The following PATL1 variants were observed in gnomAD, a reference collection of about 807,000 sequenced individuals.
PATL1 encodes protein PAT1 homolog 1.
Under a neutral mutation model 100.6 loss-of-function variants are expected in PATL1, and 32 were observed. That is an observed-to-expected ratio of 0.32 (90% CI 0.24 to 0.43). The LOEUF (loss-of-function observed/expected upper bound fraction) is 0.43, where lower values mean the gene tolerates loss of function less well. Ranked by LOEUF, PATL1 falls within the 20% of genes least tolerant of loss-of-function variation. PATL1 has a pLI of 1.00. For missense variants in PATL1, 747 were observed against 949.9 expected (o/e 0.79, Z 2.81); for synonymous variants, 332 against 330.0 (o/e 1.01, Z -0.07).
At chr11:59,650,121 CAAAAGGA>C (rs1861420942) in intron 13 of PATL1, among the ~76,000 whole-genome samples, 1 of 77,198 alleles carries the variant, frequency 1.3e-5, no homozygotes. Flanking sequence ...AACTCCATCT[CAAAAGGA>C]AAAAAAAAAA....
rs186096253 is a variant in PATL1, at chr11:59,650,496, G to C, written c.1584+258C>G. ...AGGTGACTTGCCCAGACACTCAGCT[G>C]TTAACTGAATAAGCTTGGACAAAAA... On this transcript the variant is annotated intron_variant, in intron 13 of 18. Transcript: ENST00000300146. Among the ~76,000 whole-genome samples the C allele has an allele frequency of 2.0e-5, 3 of 152,334 alleles. No homozygotes were observed. In the East Asian group the frequency reaches 5.8e-4, roughly 29 times the overall value.
intron 2 of PATL1, among the ~76,000 whole-genome samples, chr11:59,663,566 G>C (rs924942849): frequency 6.6e-6 from 1 of 152,124 alleles, no homozygotes; most frequent in Non-Finnish European, 1.5e-5. Flanking sequence ...ATCTCACAAG[G>C]CTGCTATGAG....
In PATL1 at chr11:59,638,041, C is replaced by T. The variant is rs1861217626; in HGVS notation, c.*349G>A. ...TAGGATGAGGGAAGGAATCCTTTGGCAGGCTACAATCTACTCTGAGGTGGA... is the reference window on the plus strand; with the variant it reads ...TAGGATGAGGGAAGGAATCCTTTGGTAGGCTACAATCTACTCTGAGGTGGA... On this transcript the variant is annotated 3_prime_UTR_variant, in exon 19 of 19. Transcript: ENST00000300146. The T allele has an allele frequency of 3.6e-6, 1 of 277,792 alleles. No homozygotes were observed. The highest frequency in any genetic ancestry group is 6.9e-6 in the Non-Finnish European group (1 of 144,382). The allele number at this position is 277,792 out of a possible 1,614,324, so 17.2% of individuals were successfully genotyped here. A position where few individuals can be genotyped will look rare whatever the true frequency, so the allele number is the denominator to read the frequency against.
In PATL1 at chr11:59,637,272, T is replaced by C. The variant is rs1861206742; in HGVS notation, c.*1118A>G. 1 of 152,336 alleles carries C rather than the reference T, an allele frequency of 6.6e-6. No individual in the cohort carries two copies. The highest frequency in any genetic ancestry group is 1.5e-5 in the Non-Finnish European group (1 of 68,036). 9.4% of individuals were successfully genotyped at this position (152,336 alleles called of 1,614,324 possible). Reference sequence around the variant, plus strand: ...AGATCATGGCAGGCTGGCCCTGCAATTATTCAAACCCAGGCCCCTGGCTGC... The same window carrying C: ...AGATCATGGCAGGCTGGCCCTGCAACTATTCAAACCCAGGCCCCTGGCTGC... On this transcript the variant is annotated 3_prime_UTR_variant, in exon 19 of 19. Transcript: ENST00000300146.
intron 4 of PATL1, among the ~76,000 whole-genome samples, chr11:59,658,163 CAA>C (rs746089908): frequency 2.8e-4 from 30 of 107,828 alleles, no homozygotes; most frequent in Non-Finnish European, 2.4e-4. Flanking sequence ...GACCTGGTCT[CAA>C]AAAAAAAAAA....
Position 59,638,092 on chromosome 11 carries a change from T to C in PATL1, c.*298A>G. The stretch of plus-strand genomic sequence containing the variant: ...GTAGTGGAGGGATAAAGGGAGAGAT[T>C]ACACTTGTGTCTCTAGGGCAAAGAA... On this transcript the variant is annotated 3_prime_UTR_variant, in exon 19 of 19. Coordinates refer to ENST00000300146, the MANE Select transcript of PATL1 (RefSeq NM_152716.3). 2.3e-6 allele frequency: 1 copy of C among 432,036 alleles called. No individual in the cohort carries two copies. Among genetic ancestry groups the C allele is most frequent in the South Asian group, 3.0e-5 (1 of 33,442 alleles). The allele number at this position is 432,036 out of a possible 1,614,324, so 26.8% of individuals were successfully genotyped here. A position where few individuals can be genotyped will look rare whatever the true frequency, so the allele number is the denominator to read the frequency against.
rs556659458 is a variant in PATL1 at position 59,654,407 on chromosome 11, G to A, written c.1032-335C>T. Reference sequence around the variant, plus strand: ...CAGTGGAATCGCTTGAGCCTGGGAGGCAGAGGTTGCAGTGAGCCGAGATCG... The same window carrying A: ...CAGTGGAATCGCTTGAGCCTGGGAGACAGAGGTTGCAGTGAGCCGAGATCG... On this transcript the variant is annotated intron_variant, in intron 8 of 18. Coordinates refer to ENST00000300146, the MANE Select transcript of PATL1 (RefSeq NM_152716.3). Among the ~76,000 whole-genome samples the A allele has an allele frequency of 2.0e-5, 3 of 151,140 alleles. No homozygotes were observed. The South Asian group carries it at 6.3e-4, about 32-fold the overall frequency.
rs1249632585 is a variant in PATL1 at position 59,637,278 on chromosome 11, A to G, written c.*1112T>C. On this transcript the variant is annotated 3_prime_UTR_variant, in exon 19 of 19. Coordinates refer to ENST00000300146, the MANE Select transcript of PATL1 (RefSeq NM_152716.3). ...TGGCAGGCTGGCCCTGCAATTATTC[A>G]AACCCAGGCCCCTGGCTGCCTGGGA... The G allele has an allele frequency of 6.6e-6, 1 of 152,410 alleles. No homozygotes were observed. Among genetic ancestry groups the G allele is most frequent in the Non-Finnish European group, 1.5e-5 (1 of 68,042 alleles). 9.4% of individuals were successfully genotyped at this position (152,410 alleles called of 1,614,324 possible). A position where few individuals can be genotyped will look rare whatever the true frequency, so the allele number is the denominator to read the frequency against.
At chr11:59,668,826 G>T in intron 1 of PATL1, 55 bp downstream of exon 1, 2 of 1,077,198 alleles carry the variant, frequency 1.9e-6, no homozygotes, top group Non-Finnish European at 1.3e-6. Context: ...GAGAGAGAGT[G>T]AGGGAGAGGG....
chr11:59,651,557 C>A lies in PATL1; in HGVS notation c.1511G>T (p.Arg504Leu). ...GTTGACACTTACATCATCCTCACTC[C>A]GAGATGTCACAACAGCATCAATCAT... ...RKMIDAVVTS[R>L]SEDDETKEKQ... The change falls in exon 12 of 19, where the codon CGG (arginine) becomes CTG (leucine). Residue 504 changes from arginine (R) to leucine (L), a missense_variant. Physicochemically the swap from Arg to Leu is moderately radical, Grantham distance 102 (BLOSUM62 -2). Transcript: ENST00000300146. 1 of 1,609,730 alleles carries A rather than the reference C, an allele frequency of 6.2e-7. No homozygotes were observed. Among genetic ancestry groups the A allele is most frequent in the Non-Finnish European group, 8.5e-7 (1 of 1,177,398 alleles).
intron 2 of PATL1, among the ~76,000 whole-genome samples, chr11:59,663,783 G>A (rs964400454): frequency 6.6e-6 from 1 of 152,026 alleles, no homozygotes; most frequent in Non-Finnish European, 1.5e-5. Context: ...AATGTCTACT[G>A]TAATAGCAGG....
In PATL1 at chr11:59,649,543, C is replaced by T. The variant is rs769589438; in HGVS notation, c.1652G>A (p.Arg551Gln). 18 of 1,613,674 alleles carry T rather than the reference C, an allele frequency of 1.1e-5. No individual in the cohort carries two copies. Among genetic ancestry groups the T allele is most frequent in the Middle Eastern group, 1.6e-4 (1 of 6,084 alleles). The change falls in exon 14 of 19, where the codon CGA becomes CAA. Residue 551 changes from arginine (R) to glutamine (Q), a missense_variant. Physicochemically the swap from Arg to Gln is conservative, Grantham distance 43. Around this residue, in one of 4 missense-constraint regions of PATL1, gnomAD observed 434 missense variants for 596.1 expected, o/e 0.73. Coordinates refer to ENST00000300146, the MANE Select transcript of PATL1 (RefSeq NM_152716.3). ...RRYLLSLEEE[R>Q]PALMDDRKHK... ...CTTTCTGTCATCCATTAGGGCAGGT[C>T]GCTCTTCTTCCAGACTTAGGAGATA... is the stretch of plus-strand genomic sequence containing the variant.
At chr11:59,639,626 T>TC (rs1861246195) in intron 16 of PATL1, 2 of 424,830 alleles carry the variant, frequency 4.7e-6, no homozygotes, top group Non-Finnish European at 8.5e-6. Context: ...AGTCATGGTG[T>TC]CCAACACGCC....
At chr11:59,666,996 T>C (rs142076081) in intron 1 of PATL1, 32 bp from the exon 2 acceptor site, 3 of 1,530,506 alleles carry the variant, frequency 2.0e-6, no homozygotes, top group East Asian at 2.5e-5. Flanking sequence ...TAGTTATTCA[T>C]GAAATTCACA....
Position 59,666,861 on chromosome 11 carries a change from C to T in PATL1, c.119G>A (p.Gly40Asp), listed in dbSNP as rs549887202. Reference sequence around the variant, plus strand: ...CGAAAGATGTCACTTACCAACTGCACCTGACCCAAATGTATCATCATTGAA... The same window carrying T: ...CGAAAGATGTCACTTACCAACTGCATCTGACCCAAATGTATCATCATTGAA... Reference protein sequence around the residue: ...DQFNDDTFGSGAVDDDWQEAH... With the variant: ...DQFNDDTFGSDAVDDDWQEAH... Residue 40 changes from glycine to aspartate, a missense_variant, in exon 2 of 19, where the codon GGT (glycine) becomes GAT (aspartate). Transcript: ENST00000300146. 1.3e-6 allele frequency: 2 copies of T among 1,548,988 alleles called. No individual in the cohort carries two copies. The highest frequency in any genetic ancestry group is 1.7e-6 in the Non-Finnish European group (2 of 1,146,436).
intron 2 of PATL1, among the ~76,000 whole-genome samples, chr11:59,665,742 T>G (rs953499478): frequency 6.6e-6 from 1 of 152,166 alleles, no homozygotes; most frequent in African/African-American, 2.4e-5. Flanking sequence ...GCCGAGATCA[T>G]GCTACTGCAC....
chr11:59,644,888 T>TC (rs1370966371), intron 15 of PATL1, among the ~76,000 whole-genome samples: 4 of 96,240 alleles, frequency 4.2e-5, no homozygotes, highest in Non-Finnish European at 8.4e-5. Flanking sequence ...AGACTTCGTT[T>TC]CCTTTTTTTT....
intron 16 of PATL1, among the ~76,000 whole-genome samples, chr11:59,640,125 T>G (rs780013940): frequency 1.3e-4 from 20 of 148,544 alleles, no homozygotes; most frequent in Non-Finnish European, 2.7e-4. Flanking sequence ...GTGGATGACC[T>G]GAGGTCAGGA....
chr11:59,659,274 A>G lies in PATL1; in HGVS notation c.323T>C (p.Val108Ala). Residue 108 changes from valine to alanine, a missense_variant, in exon 3 of 19, where the codon GTG (valine) becomes GCG (alanine). Around this residue, in one of 4 missense-constraint regions of PATL1, gnomAD observed 183 missense variants for 221.2 expected, o/e 0.83. Coordinates refer to ENST00000300146, the MANE Select transcript of PATL1 (RefSeq NM_152716.3). Reference protein sequence around the residue: ...ELEDPAIMRAVQTRPVLQPQP... With the variant: ...ELEDPAIMRAAQTRPVLQPQP... ...TACTTGTAAAACTGGCCTGGTCTGC[A>G]CTGCCCTCATAATAGCTGGATCTTC... The G allele has an allele frequency of 6.4e-7, 1 of 1,551,486 alleles. No individual in the cohort carries two copies.
Sources: allele counts gnomAD v4.1 joint callset (sites outside exome capture counted in the v4.1 genomes callset), GRCh38; gene constraint gnomAD v4.1.1; regional missense constraint gnomAD v4.1.1; transcripts MANE v1.5; gene names NCBI Gene and HGNC (gene_info 2026-07-23, HGNC 2026-07-21).